SLC13A3: variants seen among roughly 807,000 people sequenced by gnomAD.
The protein encoded by SLC13A3 is Na(+)/dicarboxylate cotransporter 3.
In SLC13A3, 40 loss-of-function variants were observed where a neutral mutation model predicts 59.0. The observed-to-expected ratio is 0.68, with a 90% CI of 0.53 to 0.88. The LOEUF (loss-of-function observed/expected upper bound fraction) is 0.88, where lower values mean the gene tolerates loss of function less well. Among genes scored for constraint, SLC13A3 ranks in the 40% least tolerant of loss-of-function variants. The pLI is 0.00. For missense variants in SLC13A3, 699 were observed against 783.2 expected (o/e 0.89, Z 1.28); for synonymous variants, 317 against 330.3 (o/e 0.96, Z 0.44).
intron 1 of SLC13A3, among the ~76,000 whole-genome samples, chr20:46,617,771 G>A (rs188867495): frequency 5.1e-4 from 77 of 152,290 alleles, no homozygotes; most frequent in Non-Finnish European, 4.4e-5. Context: ...CCCTGGGCCA[G>A]GAAATCTGCA....
rs373065747 is a variant in SLC13A3, at chr20:46,589,124, C to G, written c.1016+36G>C. ...AGGAAGCTCTCCTGAGCGTTTAATA[C>G]TCAGCTCTTTCCTTAACCCAAGGGC... is the stretch of plus-strand genomic sequence containing the variant. On this transcript the variant is annotated intron_variant, in intron 7 of 12. Coordinates refer to ENST00000279027, the MANE Select transcript of SLC13A3 (RefSeq NM_022829.6). 7 of 1,583,112 alleles carry G rather than the reference C, an allele frequency of 4.4e-6. No individual in the cohort carries two copies. The African/African-American group carries it at 8.1e-5, about 18-fold the overall frequency.
chr20:46,670,594 A>G (rs1256234699), upstream of SLC13A3, among the ~76,000 whole-genome samples: 3 of 152,172 alleles, frequency 2.0e-5, no homozygotes, highest in Admixed American at 2.0e-4. Context: ...CTAGACTACT[A>G]AATGATGAAA....
In SLC13A3 at chr20:46,563,534, C is replaced by G. The variant is rs778561116; in HGVS notation, c.1512G>C (p.Val504=). Residue 504 remains valine, a synonymous_variant, in exon 12 of 13, where the codon GTG becomes GTC. Coordinates refer to ENST00000279027, the MANE Select transcript of SLC13A3 (RefSeq NM_022829.6). ...VLAELAIRLR[V]HPLYLMIPGT... ...CCGGAATCATCAGATACAGGGGGTG[C>G]ACTCTCAGGCGGATGGCCTGGGCCA... 1.2e-6 allele frequency: 2 copies of G among 1,613,762 alleles called. No homozygotes were observed. The highest frequency in any genetic ancestry group is 2.2e-5 in the South Asian group (2 of 90,974).
intron 3 of SLC13A3, among the ~76,000 whole-genome samples, chr20:46,608,067 G>A (rs2062453282): frequency 6.6e-6 from 1 of 152,142 alleles, no homozygotes. Flanking sequence ...TGCCACCCCA[G>A]GGTGACCATC....
At chr20:46,592,737 C>G (rs2062272729) in intron 5 of SLC13A3, among the ~76,000 whole-genome samples, 1 of 152,122 alleles carries the variant, frequency 6.6e-6, no homozygotes, top group Admixed American at 6.5e-5. Flanking sequence ...CCTAGTGGGA[C>G]CAATGGGTGC....
chr20:46,652,271 A>G (rs1056348340), upstream of SLC13A3, among the ~76,000 whole-genome samples: 32 of 152,270 alleles, frequency 2.1e-4, no homozygotes, highest in Admixed American at 1.7e-3. Context: ...TACACCAGAC[A>G]AGAAGGTTGT....
At chr20:46,620,983 A>G (rs927718601) in intron 1 of SLC13A3, among the ~76,000 whole-genome samples, 3 of 152,246 alleles carry the variant, frequency 2.0e-5, no homozygotes, top group Admixed American at 6.5e-5. Context: ...ACAAAGCACA[A>G]TCAAGGCAAT....
At chr20:46,576,762 T>C (rs1056814089) in intron 9 of SLC13A3, among the ~76,000 whole-genome samples, 26 of 152,324 alleles carry the variant, frequency 1.7e-4, no homozygotes, top group African/African-American at 6.0e-4. Flanking sequence ...CAGTTTACCA[T>C]CTCCCAGGAC....
At chr20:46,674,428 C>T (rs2063110467), upstream of SLC13A3, among the ~76,000 whole-genome samples, 1 of 152,146 alleles carries the variant, frequency 6.6e-6, no homozygotes, top group South Asian at 2.1e-4. Flanking sequence ...TGGGCCATCC[C>T]CTGGCCTCCT....
intron 1 of SLC13A3, among the ~76,000 whole-genome samples, chr20:46,623,385 T>C (rs1014278854): frequency 1.3e-5 from 2 of 152,156 alleles, no homozygotes. Context: ...CTAACAATCT[T>C]TTCTTTTCCT....
At chr20:46,566,565 A>G (rs2061982827) in intron 10 of SLC13A3, 175 bp from the exon 11 acceptor site, 1 of 605,972 alleles carries the variant, frequency 1.7e-6, no homozygotes, top group African/African-American at 1.9e-5. Flanking sequence ...AAGGTCACAC[A>G]TCTGAGCCAG....
intron 3 of SLC13A3, among the ~76,000 whole-genome samples, chr20:46,605,161 C>A (rs973894780): frequency 6.6e-6 from 1 of 152,178 alleles, no homozygotes; most frequent in South Asian, 2.1e-4. Context: ...CAGTAATTAG[C>A]TTTATCATAT....
At chr20:46,673,628 T>C (rs1218135652), upstream of SLC13A3, 1 of 152,168 alleles carries the variant, frequency 6.6e-6, no homozygotes, top group Non-Finnish European at 1.5e-5. Context: ...GACCTCCTGA[T>C]CTAAGGAAAC....
intron 1 of SLC13A3, among the ~76,000 whole-genome samples, chr20:46,642,565 C>T (rs2062854941): frequency 6.6e-6 from 1 of 152,184 alleles, no homozygotes; most frequent in Non-Finnish European, 1.5e-5. Flanking sequence ...ACTCCTTGCC[C>T]TCTCCCCCTG....
chr20:46,646,676 T>G (rs2062897518), intron 1 of SLC13A3, among the ~76,000 whole-genome samples: 1 of 152,254 alleles, frequency 6.6e-6, no homozygotes, highest in Admixed American at 6.5e-5. Context: ...TTAACTTCTC[T>G]GAGCCTCAGT....
At chr20:46,680,895 G>T (rs1165551091) in intron 1 of SLC13A3, among the ~76,000 whole-genome samples, 4 of 152,228 alleles carry the variant, frequency 2.6e-5, no homozygotes, top group African/African-American at 9.7e-5. Context: ...ACTCCACCAT[G>T]CAGCACCACT....
chr20:46,566,299 A>T lies in SLC13A3; in HGVS notation c.1424T>A (p.Ile475Asn). The change falls in exon 11 of 13, where the codon ATC becomes AAC. Residue 475 changes from isoleucine to asparagine, a missense_variant. Physicochemically the swap from Ile to Asn is moderately radical, Grantham distance 149. Transcript: ENST00000279027. Reference protein sequence around the residue: ...ALAVLLITVVIAFFTEFASNT... With the variant: ...ALAVLLITVVNAFFTEFASNT... ...GCTGGCAAACTCAGTGAAGAAGGCG[A>T]TGACCACAGTGATGAGCAGCACAGC... 1 of 1,613,820 alleles carries T rather than the reference A, an allele frequency of 6.2e-7. No homozygotes were observed. The highest frequency in any genetic ancestry group is 8.5e-7 in the Non-Finnish European group (1 of 1,179,792).
At chr20:46,605,012 A>G (rs751028357) in intron 3 of SLC13A3, among the ~76,000 whole-genome samples, 6 of 152,162 alleles carry the variant, frequency 3.9e-5, no homozygotes, top group African/African-American at 4.8e-5. Flanking sequence ...GGTTACAGAT[A>G]GGGAAACTGA....
rs752240185 is a variant in SLC13A3 at position 46,560,148 on chromosome 20, C to T, written c.1683G>A (p.Leu561=). The T allele has an allele frequency of 6.2e-7, 1 of 1,614,134 alleles. No homozygotes were observed. The highest frequency in any genetic ancestry group is 2.2e-5 in the East Asian group (1 of 44,888). ...MNLMGVLLLS[L]AMNTWAQTIF... is the part of the protein sequence containing the mutation. Reference sequence around the variant, plus strand: ...TGGTCTGTGCCCAGGTATTCATAGCCAAACTGAGCAGCAGGACACCCATCA... The same window carrying T: ...TGGTCTGTGCCCAGGTATTCATAGCTAAACTGAGCAGCAGGACACCCATCA... Residue 561 remains leucine (L), a synonymous_variant, in exon 13 of 13, where the codon TTG becomes TTA. Transcript: ENST00000279027.
Sources: allele counts gnomAD v4.1 joint callset (sites outside exome capture counted in the v4.1 genomes callset), GRCh38; gene constraint gnomAD v4.1.1; transcripts MANE v1.5; gene names NCBI Gene and HGNC (gene_info 2026-07-23, HGNC 2026-07-21).